Variants in CNTNAP2 observed in about 807,000 individuals in gnomAD.
CNTNAP2 encodes the protein contactin-associated protein-like 2.
In CNTNAP2, 98 loss-of-function variants were observed where a neutral mutation model predicts 155.2. The observed-to-expected ratio is 0.63, with a 90% CI of 0.54 to 0.75. CNTNAP2 has a LOEUF of 0.75. Among genes scored for constraint, CNTNAP2 ranks in the 30% least tolerant of loss-of-function variants. The pLI, the probability that CNTNAP2 is intolerant of heterozygous loss-of-function variation, is 0.00. For synonymous variants in CNTNAP2, 651 were observed against 631.2 expected, an observed-to-expected ratio of 1.03 and a Z score of -0.47; for missense variants, 1,727 against 1,688.1, an observed-to-expected ratio of 1.02 and a Z score of -0.40.
At chr7:148,407,150 TTTA>T (rs1306503109) in intron 22 of CNTNAP2, among the ~76,000 whole-genome samples, 29 of 151,888 alleles carry the variant, frequency 1.9e-4, no homozygotes, top group Admixed American at 9.2e-4. Context: ...ATTCAAGGTT[TTTA>T]TTATATGTTT....
intron 1 of CNTNAP2, among the ~76,000 whole-genome samples, chr7:146,137,013 G>C (rs571416191): frequency 6.6e-6 from 1 of 152,168 alleles, no homozygotes; most frequent in South Asian, 2.1e-4. Flanking sequence ...CAAGAAAAAC[G>C]AACTGTTAAA....
At chr7:148,361,094 C>A (rs573480783) in intron 21 of CNTNAP2, among the ~76,000 whole-genome samples, 210 of 152,288 alleles carry the variant, frequency 1.4e-3, no homozygotes, top group South Asian at 3.3e-3. Context: ...AGGCATGAGC[C>A]ACCATGCCCA....
At chr7:148,077,400 GT>G (rs1183336841) in intron 15 of CNTNAP2, among the ~76,000 whole-genome samples, 1 of 151,906 alleles carries the variant, frequency 6.6e-6, no homozygotes, top group Admixed American at 6.6e-5. Flanking sequence ...TCTATCTGTG[GT>G]TCTGAAAAGC....
At chr7:147,937,478 G>A (rs565972759) in intron 14 of CNTNAP2, among the ~76,000 whole-genome samples, 4 of 152,252 alleles carry the variant, frequency 2.6e-5, no homozygotes, top group African/African-American at 9.6e-5. Flanking sequence ...GCTGCAGGGT[G>A]CATGTCTACT....
At chr7:147,098,789 A>G (rs970499607) in intron 4 of CNTNAP2, among the ~76,000 whole-genome samples, 3 of 152,180 alleles carry the variant, frequency 2.0e-5, no homozygotes, top group African/African-American at 7.2e-5. Context: ...CTAATATTTT[A>G]TTACTTTATT....
intron 10 of CNTNAP2, among the ~76,000 whole-genome samples, chr7:147,470,526 A>T (rs1437509721): frequency 1.3e-5 from 2 of 151,878 alleles, no homozygotes; most frequent in African/African-American, 4.8e-5. Flanking sequence ...GGTAGCTATG[A>T]TAGTGTCTTG....
chr7:146,475,009 GCGCGCACA>G (rs919899316), intron 1 of CNTNAP2, among the ~76,000 whole-genome samples: 62 of 129,596 alleles, frequency 4.8e-4, no homozygotes, highest in African/African-American at 1.8e-3. Flanking sequence ...ACGCGCGCGC[GCGCGCACA>G]CACACACACA....
chr7:147,797,344 T>C (rs1053874853), intron 13 of CNTNAP2, among the ~76,000 whole-genome samples: 4 of 152,124 alleles, frequency 2.6e-5, no homozygotes, highest in African/African-American at 9.7e-5. Flanking sequence ...TTTACTTCTA[T>C]ATGTTGCATT....
chr7:146,646,315 C>T (rs1799810572), intron 1 of CNTNAP2, among the ~76,000 whole-genome samples: 1 of 152,012 alleles, frequency 6.6e-6, no homozygotes, highest in Admixed American at 6.6e-5. Context: ...TGTGAATGCT[C>T]ACTAGTTTGT....
intron 8 of CNTNAP2, among the ~76,000 whole-genome samples, chr7:147,295,987 C>T (rs540664388): frequency 1.2e-4 from 18 of 152,130 alleles, no homozygotes; most frequent in Admixed American, 6.6e-4. Flanking sequence ...GAATAATAGA[C>T]CTTTTGCCAT....
chr7:147,486,180 TTTC>T (rs1439537117), intron 11 of CNTNAP2, 139 bp downstream of exon 11: 1 of 577,940 alleles, frequency 1.7e-6, no homozygotes, highest in Non-Finnish European at 2.8e-6. Context: ...CCAATTGTCA[TTTC>T]TCCAAAAAAA....
At chr7:148,102,206 C>T (rs1235616848) in intron 15 of CNTNAP2, among the ~76,000 whole-genome samples, 1 of 152,188 alleles carries the variant, frequency 6.6e-6, no homozygotes, top group African/African-American at 2.4e-5. Flanking sequence ...ATTTAACTCC[C>T]ACTTATAAGT....
chr7:147,497,399 T>A (rs549561949), intron 11 of CNTNAP2, among the ~76,000 whole-genome samples: 1 of 152,300 alleles, frequency 6.6e-6, no homozygotes, highest in East Asian at 1.9e-4. Flanking sequence ...TCATTTCTCA[T>A]TAGCAGGCAT....
intron 12 of CNTNAP2, among the ~76,000 whole-genome samples, chr7:147,603,252 T>C (rs1800990862): frequency 6.6e-6 from 1 of 152,114 alleles, no homozygotes; most frequent in Non-Finnish European, 1.5e-5. Context: ...ATGAGCATTT[T>C]TTCATGTGTT....
chr7:148,357,749 A>C (rs1798544412), intron 21 of CNTNAP2, among the ~76,000 whole-genome samples: 1 of 152,162 alleles, frequency 6.6e-6, no homozygotes, highest in Non-Finnish European at 1.5e-5. Flanking sequence ...ATACTAATAA[A>C]ATTTCTGATT....
chr7:147,274,220 A>G (rs10230132), intron 8 of CNTNAP2, among the ~76,000 whole-genome samples: 40,591 of 151,792 alleles, frequency 0.27, 5,633 homozygotes, highest in Middle Eastern at 0.34. Flanking sequence ...CATCTTTGAG[A>G]GGTCTCCGTA....
At chr7:147,502,881 G>T (rs1798844091) in intron 11 of CNTNAP2, among the ~76,000 whole-genome samples, 1 of 152,008 alleles carries the variant, frequency 6.6e-6, no homozygotes, top group African/African-American at 2.4e-5. Flanking sequence ...TCAACACAAT[G>T]GATTTTTGGA....
intron 1 of CNTNAP2, among the ~76,000 whole-genome samples, chr7:146,772,191 T>C (rs989413359): frequency 1.3e-5 from 2 of 151,844 alleles, no homozygotes; most frequent in African/African-American, 2.4e-5. Flanking sequence ...ATATGTATTA[T>C]GACAGAAAAT....
intron 13 of CNTNAP2, among the ~76,000 whole-genome samples, chr7:147,801,516 G>A (rs1031757087): frequency 3.3e-5 from 5 of 151,580 alleles, no homozygotes; most frequent in Non-Finnish European, 7.4e-5. Context: ...TTAGGGAGTG[G>A]TGATGATTCT....
Sources: allele counts gnomAD v4.1 joint callset (sites outside exome capture counted in the v4.1 genomes callset), GRCh38; gene constraint gnomAD v4.1.1; transcripts MANE v1.5; gene names NCBI Gene and HGNC (gene_info 2026-07-23, HGNC 2026-07-21).